NTM: variants seen among roughly 807,000 people sequenced by gnomAD.
NTM encodes IgLON family member 2.
In NTM, 13 loss-of-function variants were observed where a neutral mutation model predicts 42.1. The observed-to-expected ratio is 0.31, with a 90% CI of 0.20 to 0.49. The LOEUF (loss-of-function observed/expected upper bound fraction) is 0.49, where lower values mean the gene tolerates loss of function less well. Ranked by LOEUF, NTM falls within the 20% of genes least tolerant of loss-of-function variation. The pLI, the probability that NTM is intolerant of heterozygous loss-of-function variation, is 0.99. For missense variants in NTM, 373 were observed against 452.8 expected (o/e 0.82, Z 1.60); for synonymous variants, 187 against 179.2 (o/e 1.04, Z -0.35).
At chr11:132,070,649 C>G (rs2136152170) in intron 2 of NTM, among the ~76,000 whole-genome samples, 1 of 140,530 alleles carries the variant, frequency 7.1e-6, no homozygotes, top group East Asian at 2.1e-4. Flanking sequence ...AACTGACCAC[C>G]ACAGGTTAGT....
At position 132,097,165 on chromosome 11, in the gene NTM, T is replaced by C. The variant is rs1330877505; in HGVS notation, c.168-49117T>C. Among the ~76,000 whole-genome samples, 3 of 152,234 alleles carry C rather than the reference T, an allele frequency of 2.0e-5. No individual in the cohort carries two copies. The East Asian group carries it at 5.8e-4, about 29-fold the overall frequency. On this transcript the variant is annotated intron_variant, in intron 2 of 8. Coordinates refer to ENST00000683400, the MANE Select transcript of NTM (RefSeq NM_001352005.2). ...TTACAGAGAGGCTGCTTAAGACATA[T>C]GTACCCCTTCCTTCTGCAGGTTCAG... is the stretch of plus-strand genomic sequence containing the variant.
chr11:131,702,017 G>T (rs1484206273), intron 1 of NTM, among the ~76,000 whole-genome samples: 1 of 152,226 alleles, frequency 6.6e-6, no homozygotes, highest in Non-Finnish European at 1.5e-5. Context: ...TGGTGGGAAA[G>T]ACGTGGCTCC....
At chr11:131,513,060 G>C (rs1365248550) in intron 1 of NTM, among the ~76,000 whole-genome samples, 1 of 152,112 alleles carries the variant, frequency 6.6e-6, no homozygotes, top group African/African-American at 2.4e-5. Context: ...GATCATTTCA[G>C]CCTGTGACAC....
chr11:131,735,049 A>G (rs1415320743), intron 1 of NTM, among the ~76,000 whole-genome samples: 2 of 152,200 alleles, frequency 1.3e-5, no homozygotes, highest in Non-Finnish European at 2.9e-5. Flanking sequence ...ATCTGACTCA[A>G]TGGCCTTTTT....
At position 132,122,149 on chromosome 11, in the gene NTM, T is replaced by C. The variant is rs1236771890; in HGVS notation, c.168-24133T>C. Among the ~76,000 whole-genome samples the C allele has an allele frequency of 5.9e-5, 9 of 152,156 alleles. 1 individual carries two copies. Among genetic ancestry groups the C allele is most frequent in the Admixed American group, 5.9e-4 (9 of 15,268 alleles). Reference sequence around the variant, plus strand: ...ATTGTGCTAGGAGCCGTGCACTCGGTGTGGGCCTTTGCTCCGAATAGACAG... The same window carrying C: ...ATTGTGCTAGGAGCCGTGCACTCGGCGTGGGCCTTTGCTCCGAATAGACAG... On this transcript the variant is annotated intron_variant, in intron 2 of 8. Transcript: ENST00000683400.
At chr11:131,617,292 G>A (rs2062039393) in intron 1 of NTM, among the ~76,000 whole-genome samples, 1 of 152,080 alleles carries the variant, frequency 6.6e-6, no homozygotes, top group South Asian at 2.1e-4. Flanking sequence ...CATGTCACAG[G>A]GAAACTGAGT....
chr11:132,116,318 G>A (rs992469752), intron 2 of NTM, among the ~76,000 whole-genome samples: 1 of 152,296 alleles, frequency 6.6e-6, no homozygotes, highest in African/African-American at 2.4e-5. Context: ...TGGAGGTAGG[G>A]GCTGGAGCCA....
intron 1 of NTM, among the ~76,000 whole-genome samples, chr11:131,869,412 G>C (rs940178421): frequency 6.6e-6 from 1 of 152,260 alleles, no homozygotes; most frequent in South Asian, 2.1e-4. Context: ...ACTCTCCTTC[G>C]GGGTAGATGT....
chr11:131,689,407 G>A (rs2074370604), intron 1 of NTM, among the ~76,000 whole-genome samples: 1 of 152,254 alleles, frequency 6.6e-6, no homozygotes. Flanking sequence ...AGGGCAGAGT[G>A]AATCTGTGTC....
rs143663694 is a variant in NTM at position 131,896,826 on chromosome 11, C to T, written c.83-14738C>T. The stretch of plus-strand genomic sequence containing the variant: ...GCCTCAGCCTCCGGAGTAGCTGGGA[C>T]TACAGGCGCCCGCCACCAAGCCGGG... On this transcript the variant is annotated intron_variant, in intron 1 of 8. Coordinates refer to ENST00000683400, the MANE Select transcript of NTM (RefSeq NM_001352005.2). Among the ~76,000 whole-genome samples the T allele has an allele frequency of 7.4e-4, 112 of 151,842 alleles. 1 individual carries two copies. The highest frequency in any genetic ancestry group is 2.4e-3 in the African/African-American group (101 of 41,416).
intron 1 of NTM, among the ~76,000 whole-genome samples, chr11:131,854,810 AGGGCATAAACT>A (rs2045941081): frequency 1.3e-5 from 2 of 152,228 alleles, no homozygotes; most frequent in African/African-American, 4.8e-5. Context: ...ACCTGGACAC[AGGGCATAAACT>A]GGGTGCTGCA....
rs1460397863 is a variant in NTM at position 132,146,638 on chromosome 11, G to T, written c.400+124G>T. ...TTATTCTACGCATCTGGGGTCCAGG[G>T]CACATTTCTGGTTGTCATTTTGCAG... On this transcript the variant is annotated intron_variant, in intron 3 of 8. Transcript: ENST00000683400. The surrounding 1 kb of genome is among the most constrained non-coding windows in gnomAD (Gnocchi z 4.5). The T allele has an allele frequency of 2.0e-6, 2 of 979,664 alleles. No individual in the cohort carries two copies. Among genetic ancestry groups the T allele is most frequent in the Non-Finnish European group, 2.9e-6 (2 of 689,874 alleles). The allele number at this position is 979,664 out of a possible 1,614,324, so 60.7% of individuals were successfully genotyped here. A position where few individuals can be genotyped will look rare whatever the true frequency, so the allele number is the denominator to read the frequency against.
intron 1 of NTM, among the ~76,000 whole-genome samples, chr11:131,822,584 C>A (rs899062209): frequency 6.6e-6 from 1 of 152,124 alleles, no homozygotes; most frequent in East Asian, 1.9e-4. Context: ...CAGCTGCTTT[C>A]AGTGTCTTGA....
intron 7 of NTM, among the ~76,000 whole-genome samples, chr11:132,320,115 T>A (rs1244065652): frequency 6.6e-6 from 1 of 152,152 alleles, no homozygotes; most frequent in Non-Finnish European, 1.5e-5. Context: ...AACCAATCAG[T>A]ACATCACCAT....
At chr11:131,747,605 C>T (rs1442303263) in intron 1 of NTM, among the ~76,000 whole-genome samples, 1 of 152,158 alleles carries the variant, frequency 6.6e-6, no homozygotes, top group African/African-American at 2.4e-5. Context: ...CATGTTGCTT[C>T]TAAATGTCAA....
At chr11:132,334,944 G>A (rs2136517693) in intron 8 of NTM, 102 bp from the exon 9 acceptor site, 2 of 1,528,354 alleles carry the variant, frequency 1.3e-6, no homozygotes, top group African/African-American at 1.4e-5. Context: ...TTAGAGGGAT[G>A]ACTCACCAGG....
intron 3 of NTM, among the ~76,000 whole-genome samples, chr11:132,187,821 G>A (rs1343236561): frequency 3.3e-5 from 5 of 152,178 alleles, no homozygotes; most frequent in Non-Finnish European, 7.4e-5. Context: ...GAGGTTCAGA[G>A]CAAGGCAATG....
chr11:132,323,750 T>C (rs1185227892), intron 7 of NTM, among the ~76,000 whole-genome samples: 9 of 152,140 alleles, frequency 5.9e-5, no homozygotes, highest in African/African-American at 2.2e-4. Flanking sequence ...CCAATATCCT[T>C]GATGAACATT....
chr11:131,922,442 C>T (rs1005601847), intron 2 of NTM, among the ~76,000 whole-genome samples: 5 of 152,214 alleles, frequency 3.3e-5, no homozygotes, highest in African/African-American at 1.2e-4. Flanking sequence ...ACGCAAGGCC[C>T]ACTGGACCAC....
Sources: gnomAD v4.1 joint callset for allele counts (sites outside exome capture counted in the v4.1 genomes callset) on GRCh38, gnomAD v4.1.1 for gene constraint, Gnocchi (gnomAD v3.1) non-coding constraint, MANE v1.5 for transcripts, NCBI Gene and HGNC (gene_info 2026-07-23, HGNC 2026-07-21) for gene names.